The following SCHIP1 variants were observed in gnomAD, a reference collection of about 807,000 sequenced individuals.
SCHIP1 encodes the protein schwannomin-interacting protein 1.
Under a neutral mutation model 29.7 loss-of-function variants are expected in SCHIP1, and 8 were observed. That is an observed-to-expected ratio of 0.27 (90% CI 0.16 to 0.49). The LOEUF is 0.49. Among genes scored for constraint, SCHIP1 ranks in the 20% least tolerant of loss-of-function variants. SCHIP1 has a pLI of 0.99. For missense variants in SCHIP1, 193 were observed against 294.6 expected, an observed-to-expected ratio of 0.66 and a Z score of 2.52; for synonymous variants, 76 against 94.9, an observed-to-expected ratio of 0.80 and a Z score of 1.16.
At chr3:159,418,163 C>A in the SCHIP1 span, among the ~76,000 whole-genome samples, 1 of 152,256 alleles carries the variant, frequency 6.6e-6, no homozygotes, top group East Asian at 1.9e-4. Flanking sequence ...AAAGACCTAC[C>A]TTTTTGTTTT....
At chr3:159,677,981 C>A in the SCHIP1 span, among the ~76,000 whole-genome samples, 2 of 152,198 alleles carry the variant, frequency 1.3e-5, no homozygotes, top group Admixed American at 1.3e-4. Context: ...GAATTACAGG[C>A]ATGAGCCATT....
chr3:159,802,541 T>TA, the SCHIP1 span, among the ~76,000 whole-genome samples: 2 of 151,994 alleles, frequency 1.3e-5, no homozygotes, highest in African/African-American at 2.4e-5. Context: ...TGCCTGATTT[T>TA]AAAAAAAAGA....
the SCHIP1 span, among the ~76,000 whole-genome samples, chr3:159,610,361 T>C: frequency 3.3e-5 from 5 of 152,350 alleles, no homozygotes; most frequent in South Asian, 1.0e-3. Flanking sequence ...TATTCACTTA[T>C]TCATTTTCCA....
chr3:159,482,518 A>AT, the SCHIP1 span, among the ~76,000 whole-genome samples: 1 of 152,178 alleles, frequency 6.6e-6, no homozygotes, highest in African/African-American at 2.4e-5. Context: ...GAGTACCCTG[A>AT]TCTAAAGGTA....
chr3:159,449,465 A>G, the SCHIP1 span, among the ~76,000 whole-genome samples: 1 of 152,312 alleles, frequency 6.6e-6, no homozygotes, highest in Non-Finnish European at 1.5e-5. Flanking sequence ...CAGGATTCCA[A>G]TAGGCCCAAA....
At chr3:159,639,666 A>G in the SCHIP1 span, among the ~76,000 whole-genome samples, 1 of 152,138 alleles carries the variant, frequency 6.6e-6, no homozygotes, top group African/African-American at 2.4e-5. Flanking sequence ...CATTAAAGGA[A>G]CCATATGAGT....
At chr3:159,621,986 G>A in the SCHIP1 span, among the ~76,000 whole-genome samples, 1 of 152,270 alleles carries the variant, frequency 6.6e-6, no homozygotes, top group East Asian at 1.9e-4. Flanking sequence ...GTTTTAATAA[G>A]GCATCTGTCT....
the SCHIP1 span, among the ~76,000 whole-genome samples, chr3:159,561,550 C>T: frequency 5.3e-5 from 8 of 151,876 alleles, no homozygotes; most frequent in East Asian, 1.9e-4. Flanking sequence ...AAAAATTGCA[C>T]GTAGATCAAA....
chr3:159,669,870 C>T, the SCHIP1 span, among the ~76,000 whole-genome samples: 2 of 152,166 alleles, frequency 1.3e-5, no homozygotes, highest in African/African-American at 4.8e-5. Context: ...TGTGATGAAT[C>T]GTTTTTCAAG....
chr3:159,554,291 C>G, the SCHIP1 span, among the ~76,000 whole-genome samples: 1 of 152,090 alleles, frequency 6.6e-6, no homozygotes, highest in Non-Finnish European at 1.5e-5. Flanking sequence ...ATTTCATGTA[C>G]TCTGCCTGTC....
the SCHIP1 span, among the ~76,000 whole-genome samples, chr3:159,533,493 AGC>A: frequency 6.6e-6 from 1 of 152,150 alleles, no homozygotes; most frequent in Admixed American, 6.5e-5. Context: ...TTTTTCTCAC[AGC>A]AACCAATGAG....
chr3:159,727,884 C>T, the SCHIP1 span, among the ~76,000 whole-genome samples: 1 of 151,854 alleles, frequency 6.6e-6, no homozygotes, highest in African/African-American at 2.4e-5. Flanking sequence ...CCAGATGATT[C>T]CTGTTTCTGC....
At chr3:159,745,243 A>G in the SCHIP1 span, among the ~76,000 whole-genome samples, 2 of 152,202 alleles carry the variant, frequency 1.3e-5, no homozygotes, top group African/African-American at 4.8e-5. Flanking sequence ...GCTAAAATCA[A>G]TATCTTCCTC....
the SCHIP1 span, among the ~76,000 whole-genome samples, chr3:159,582,172 T>G: frequency 6.6e-6 from 1 of 152,038 alleles, no homozygotes; most frequent in Non-Finnish European, 1.5e-5. Flanking sequence ...TTTTTTTGTT[T>G]TTGTTTTGTC....
At chr3:159,319,415 G>A in the SCHIP1 span, among the ~76,000 whole-genome samples, 7 of 152,176 alleles carry the variant, frequency 4.6e-5, no homozygotes, top group African/African-American at 1.7e-4. Context: ...CTCATTATAA[G>A]ACAAATGACT....
At chr3:159,495,340 T>C in the SCHIP1 span, among the ~76,000 whole-genome samples, 2 of 152,324 alleles carry the variant, frequency 1.3e-5, no homozygotes, top group Admixed American at 6.5e-5. Context: ...GATGACATGA[T>C]TGTATATCTA....
At chr3:159,762,811 A>AGTC in the SCHIP1 span, among the ~76,000 whole-genome samples, 4 of 152,208 alleles carry the variant, frequency 2.6e-5, no homozygotes, top group African/African-American at 9.7e-5. Flanking sequence ...TACGTTTTTG[A>AGTC]AAACGCCAGC....
the SCHIP1 span, chr3:159,387,336 A>C: frequency 2.7e-6 from 1 of 371,144 alleles, no homozygotes; most frequent in South Asian, 2.2e-5. Context: ...CAGCATTTTT[A>C]TGGGCAGGGA....
chr3:159,573,053 G>A, the SCHIP1 span, among the ~76,000 whole-genome samples: 1 of 151,414 alleles, frequency 6.6e-6, no homozygotes, highest in African/African-American at 2.4e-5. Context: ...TGATGGTCTT[G>A]ACTCTTTATC....
Sources: gnomAD v4.1 joint callset for allele counts (sites outside exome capture counted in the v4.1 genomes callset) on GRCh38, gnomAD v4.1.1 for gene constraint, MANE v1.5 for transcripts, NCBI Gene and HGNC (gene_info 2026-07-23, HGNC 2026-07-21) for gene names.